Variants in BLZF1 observed in about 807,000 individuals in gnomAD.
BLZF1 encodes the protein golgin-45.
Under a neutral mutation model 43.8 loss-of-function variants are expected in BLZF1, and 39 were observed. The ratio of observed to expected loss-of-function variants is 0.89; its 90% CI spans 0.69 to 1.16. The LOEUF is 1.16. Ranked by LOEUF, BLZF1 falls within the 50% of genes most tolerant of loss-of-function variation. The pLI, the probability that BLZF1 is intolerant of heterozygous loss-of-function variation, is 0.00. For missense variants in BLZF1, 449 were observed against 469.8 expected (o/e 0.96, Z 0.41); for synonymous variants, 136 against 159.4 (o/e 0.85, Z 1.11).
intron 2 of BLZF1, among the ~76,000 whole-genome samples, chr1:169,371,552 A>G (rs1388206816): frequency 6.6e-6 from 1 of 152,150 alleles, no homozygotes; most frequent in Non-Finnish European, 1.5e-5. Context: ...TACTTGGTTG[A>G]CATTTGTCAG....
chr1:169,376,130 A>G (rs2102010450), intron 2 of BLZF1, among the ~76,000 whole-genome samples: 1 of 152,266 alleles, frequency 6.6e-6, no homozygotes, highest in East Asian at 1.9e-4. Context: ...ATATGCATCT[A>G]TATAGCTGAC....
intron 6 of BLZF1, 99 bp from the exon 7 acceptor site, chr1:169,386,898 T>A (rs1654689070): frequency 2.6e-6 from 2 of 778,290 alleles, no homozygotes; most frequent in African/African-American, 3.6e-5. Context: ...AGTTATATAT[T>A]AATGAAGTGA....
chr1:169,381,145 G>C (rs1290952714), intron 5 of BLZF1, among the ~76,000 whole-genome samples: 1 of 151,452 alleles, frequency 6.6e-6, no homozygotes, highest in Admixed American at 6.6e-5. Context: ...CGTCTAACCA[G>C]TTTAATCAGG....
Position 169,382,257 on chromosome 1 carries a change from C to T in BLZF1, c.993C>T (p.Thr331=), listed in dbSNP as rs777926369. 7.4e-6 allele frequency: 12 copies of T among 1,613,494 alleles called. No individual in the cohort carries two copies. Among genetic ancestry groups the T allele is most frequent in the Non-Finnish European group, 1.0e-5 (12 of 1,179,578 alleles). ...CATCAACAGTTGAATTCTGCAGCAC[C>T]CCAGCTGAGAAAATGGCTGAAACGG... ...KIPSTVEFCS[T]PAEKMAETVL... Residue 331 remains threonine, a synonymous_variant, in exon 6 of 7, where the codon ACC becomes ACT. Coordinates refer to ENST00000367808, the MANE Select transcript of BLZF1 (RefSeq NM_001320973.2).
intron 1 of BLZF1, among the ~76,000 whole-genome samples, chr1:169,369,204 T>C (rs996281385): frequency 3.7e-4 from 57 of 152,130 alleles, no homozygotes; most frequent in African/African-American, 1.2e-3. Context: ...TTGGCTAAAA[T>C]TCAGGACATA....
At chr1:169,375,252 T>C (rs886944088) in intron 2 of BLZF1, among the ~76,000 whole-genome samples, 1 of 150,732 alleles carries the variant, frequency 6.6e-6, no homozygotes, top group Non-Finnish European at 1.5e-5. Flanking sequence ...ATGTTAAGCT[T>C]ACGAAATTTA....
intron 4 of BLZF1, 86 bp from the exon 5 acceptor site, chr1:169,380,395 A>C (rs1571440385): frequency 4.0e-6 from 5 of 1,257,644 alleles, no homozygotes; most frequent in Non-Finnish European, 5.5e-6. Context: ...TAGCTTCTGA[A>C]AGTGACAGTC....
intron 2 of BLZF1, 88 bp downstream of exon 2, chr1:169,369,638 AC>A (rs1654039109): frequency 1.1e-6 from 1 of 927,280 alleles, no homozygotes; most frequent in South Asian, 1.6e-5. Flanking sequence ...GATCTCATGG[AC>A]CCCCTTGGGA....
Position 169,376,812 on chromosome 1 carries a change from T to C in BLZF1, c.301T>C (p.Ser101Pro), listed in dbSNP as rs1289486420. 6.2e-7 allele frequency: 1 copy of C among 1,613,358 alleles called. No individual in the cohort carries two copies. Among genetic ancestry groups the C allele is most frequent in the Non-Finnish European group, 8.5e-7 (1 of 1,179,570 alleles). Residue 101 changes from serine (S) to proline (P), a missense_variant, in exon 3 of 7, where the codon TCT becomes CCT. Transcript: ENST00000367808. ...DIPNKNTKVK[S>P]LGHHKGEFLG... is the part of the protein sequence containing the mutation. ...CCCCAACAAAAATACAAAGGTTAAG[T>C]CTCTGGGACATCATAAAGGAGAATT...
chr1:169,392,862 C>T (rs1571448942), downstream of BLZF1, among the ~76,000 whole-genome samples: 1 of 152,278 alleles, frequency 6.6e-6, no homozygotes, highest in African/African-American at 2.4e-5. Flanking sequence ...TGTGCAGGTA[C>T]CGAGAGCATG....
In BLZF1 at chr1:169,387,303, C is replaced by T. The variant is rs1571445450; in HGVS notation, c.*121C>T. ...TCACTTCCTATTTACATAATGTATA[C>T]ACCCAAAGATATTTTATGTACTAGA... On this transcript the variant is annotated 3_prime_UTR_variant, in exon 7 of 7. Coordinates refer to ENST00000367808, the MANE Select transcript of BLZF1 (RefSeq NM_001320973.2). The T allele has an allele frequency of 4.7e-6, 4 of 849,704 alleles. No individual in the cohort carries two copies. The highest frequency in any genetic ancestry group is 7.2e-6 in the Non-Finnish European group (4 of 557,110). The allele number at this position is 849,704 out of a possible 1,614,324, so 52.6% of individuals were successfully genotyped here.
At chr1:169,391,512 C>T (rs1054675708), downstream of BLZF1, among the ~76,000 whole-genome samples, 3 of 152,128 alleles carry the variant, frequency 2.0e-5, no homozygotes, top group South Asian at 2.1e-4. Flanking sequence ...TGCTGTTTCT[C>T]GTGGCCCAAT....
chr1:169,370,526 T>C (rs1654082475), intron 2 of BLZF1, among the ~76,000 whole-genome samples: 1 of 152,220 alleles, frequency 6.6e-6, no homozygotes, highest in Non-Finnish European at 1.5e-5. Context: ...TCCAATGCGG[T>C]AATTACATGT....
chr1:169,372,401 C>T (rs1225569284), intron 2 of BLZF1, among the ~76,000 whole-genome samples: 1 of 152,046 alleles, frequency 6.6e-6, no homozygotes, highest in Non-Finnish European at 1.5e-5. Flanking sequence ...AAATGAAACA[C>T]TCTAGGTAGT....
At chr1:169,386,169 G>A (rs530615688) in intron 6 of BLZF1, among the ~76,000 whole-genome samples, 3 of 152,258 alleles carry the variant, frequency 2.0e-5, no homozygotes, top group South Asian at 4.2e-4. Flanking sequence ...AGAGCATTGT[G>A]TTGTGGAACC....
chr1:169,378,601 A>T, intron 4 of BLZF1, 72 bp downstream of exon 4: 1 of 1,446,706 alleles, frequency 6.9e-7, no homozygotes, highest in Non-Finnish European at 9.6e-7. Flanking sequence ...ATAACACAAG[A>T]AAGTAGATTG....
intron 7 of BLZF1, chr1:169,394,921 AT>A: frequency 1.1e-6 from 1 of 876,768 alleles, no homozygotes; most frequent in Non-Finnish European, 1.6e-6. Context: ...AAAAAAACAA[AT>A]TCACTGTCAA....
chr1:169,390,106 C>A (rs1004379901), downstream of BLZF1, among the ~76,000 whole-genome samples: 6 of 152,052 alleles, frequency 3.9e-5, no homozygotes, highest in Non-Finnish European at 7.4e-5. Context: ...AAATTTTACA[C>A]GTTACAATTA....
At chr1:169,383,086 A>G (rs771548361) in intron 6 of BLZF1, among the ~76,000 whole-genome samples, 3 of 152,112 alleles carry the variant, frequency 2.0e-5, no homozygotes, top group Non-Finnish European at 2.9e-5. Flanking sequence ...CTCTCCGAGT[A>G]TGCTGCAAAC....
Sources: gnomAD v4.1 joint callset for allele counts (sites outside exome capture counted in the v4.1 genomes callset) on GRCh38, gnomAD v4.1.1 for gene constraint, MANE v1.5 for transcripts, NCBI Gene and HGNC (gene_info 2026-07-23, HGNC 2026-07-21) for gene names.